Variants in CHAF1B observed in about 807,000 individuals in gnomAD.
The protein encoded by CHAF1B is chromatin assembly factor 1 subunit B.
A neutral mutation model predicts 60.7 loss-of-function variants in CHAF1B; 10 were observed. The ratio of observed to expected loss-of-function variants is 0.16; its 90% confidence interval spans 0.10 to 0.28. The LOEUF (loss-of-function observed/expected upper bound fraction) is 0.28, where lower values mean the gene tolerates loss of function less well. CHAF1B is among the 10% of genes least tolerant of loss of function. The pLI is 1.00. For missense variants in CHAF1B, 558 were observed against 708.4 expected, an observed-to-expected ratio of 0.79 and a Z score of 2.41; for synonymous variants, 261 against 266.1, an observed-to-expected ratio of 0.98 and a Z score of 0.19.
At chr21:36,399,195 C>T (rs554955532) in intron 6 of CHAF1B, among the ~76,000 whole-genome samples, 24 of 152,022 alleles carry the variant, frequency 1.6e-4, no homozygotes, top group African/African-American at 3.4e-4. Context: ...CCACCACGCC[C>T]GGCTAATTTT....
intron 9 of CHAF1B, 34 bp downstream of exon 9, chr21:36,408,864 ATTT>A: frequency 6.7e-7 from 1 of 1,496,234 alleles, no homozygotes; most frequent in South Asian, 1.1e-5. Context: ...AAATGTTTAC[ATTT>A]TTTTTAGACG....
At chr21:36,404,770 G>A (rs1482119630) in intron 8 of CHAF1B, among the ~76,000 whole-genome samples, 3 of 95,260 alleles carry the variant, frequency 3.1e-5, no homozygotes, top group Non-Finnish European at 5.8e-5. Flanking sequence ...AAAAAGCAGA[G>A]TCTCGCTCTG....
chr21:36,393,367 A>G (rs898857935), intron 4 of CHAF1B, among the ~76,000 whole-genome samples: 1 of 152,102 alleles, frequency 6.6e-6, no homozygotes, highest in African/African-American at 2.4e-5. Flanking sequence ...GGATGAAAGC[A>G]TAATTAAAAT....
chr21:36,397,269 G>A lies in CHAF1B; in HGVS notation c.482-146G>A, dbSNP rs1298877173. On this transcript the variant is annotated intron_variant, in intron 5 of 13. Transcript: ENST00000314103. ...CTTTGTGACCCCAGAGCCTGACACA[G>A]GGTTTTAGTACAGAGTCTCTCACTT... 1.7e-5 allele frequency: 7 copies of A among 405,704 alleles called. No homozygotes were observed. The Admixed American group carries it at 2.2e-4, about 13-fold the overall frequency. 25.1% of individuals were successfully genotyped at this position (405,704 alleles called of 1,614,324 possible).
At chr21:36,411,669 C>G (rs963843575) in intron 11 of CHAF1B, 65 bp downstream of exon 11, 2 of 1,574,410 alleles carry the variant, frequency 1.3e-6, no homozygotes, top group Non-Finnish European at 1.7e-6. Context: ...GAAGACACCC[C>G]GGGGTTAGGG....
rs1234208280 is a variant in CHAF1B, at chr21:36,417,052, G to A, written c.*686G>A. 6.6e-6 allele frequency: 1 copy of A among 152,048 alleles called. No homozygotes were observed. The highest frequency in any genetic ancestry group is 1.5e-5 in the Non-Finnish European group (1 of 68,004). The allele number at this position is 152,048 out of a possible 1,614,324, so 9.4% of individuals were successfully genotyped here. Reference sequence around the variant, plus strand: ...TCTAAATAGGTTAGTTTTTTAGATTGGTTTTTCAAAGCAAAAAAAGTATCT... The same window carrying A: ...TCTAAATAGGTTAGTTTTTTAGATTAGTTTTTCAAAGCAAAAAAAGTATCT... On this transcript the variant is annotated 3_prime_UTR_variant, in exon 14 of 14. Transcript: ENST00000314103.
At chr21:36,391,907 A>ATTTTTTTTTTT (rs55920360) in intron 4 of CHAF1B, among the ~76,000 whole-genome samples, 12 of 67,030 alleles carry the variant, frequency 1.8e-4, no homozygotes, top group Non-Finnish European at 2.5e-4. Flanking sequence ...TGATTTTTAA[A>ATTTTTTTTTTT]TTTTTTTTTT....
intron 3 of CHAF1B, among the ~76,000 whole-genome samples, chr21:36,390,348 A>AAAAAG (rs2086076874): frequency 2.0e-5 from 3 of 151,730 alleles, no homozygotes; most frequent in South Asian, 2.1e-4. Flanking sequence ...AAAAAAAAAA[A>AAAAAG]AAAGAAAGAA....
chr21:36,389,800 T>TGTGTGTGTGTGTGTGCGCGCGC, intron 3 of CHAF1B, among the ~76,000 whole-genome samples: 118 of 124,782 alleles, frequency 9.5e-4, no homozygotes, highest in Admixed American at 2.0e-3. Context: ...TGTGTGTGTG[T>TGTGTGTGTGTGTGTGCGCGCGC]GCGCGCGCAC....
At chr21:36,399,304 G>A (rs928544363) in intron 6 of CHAF1B, among the ~76,000 whole-genome samples, 6 of 152,064 alleles carry the variant, frequency 3.9e-5, no homozygotes, top group East Asian at 1.9e-4. Flanking sequence ...CCAAAGTGTC[G>A]GGATTACAGG....
At chr21:36,403,069 G>A (rs559694283) in intron 8 of CHAF1B, among the ~76,000 whole-genome samples, 2 of 152,128 alleles carry the variant, frequency 1.3e-5, no homozygotes, top group South Asian at 4.1e-4. Context: ...GGGTGGCCTG[G>A]CTTTTGGAAT....
intron 3 of CHAF1B, among the ~76,000 whole-genome samples, chr21:36,391,092 A>G (rs1003743020): frequency 6.6e-6 from 1 of 152,138 alleles, no homozygotes; most frequent in East Asian, 1.9e-4. Flanking sequence ...TCAGCTATTT[A>G]TAGGTTATGC....
chr21:36,385,927 C>G, intron 1 of CHAF1B, 133 bp from the exon 2 acceptor site: 2 of 528,036 alleles, frequency 3.8e-6, no homozygotes, highest in Non-Finnish European at 6.7e-6. Context: ...GTGGAGCTAG[C>G]AAGGTGTTAT....
chr21:36,409,344 CT>C, intron 9 of CHAF1B, 29 bp from the exon 10 acceptor site: 1 of 1,579,052 alleles, frequency 6.3e-7, no homozygotes, highest in South Asian at 1.1e-5. Context: ...GTCACAGTGC[CT>C]TTTCCTAACA....
At chr21:36,392,697 G>C (rs1331063100) in intron 4 of CHAF1B, among the ~76,000 whole-genome samples, 2 of 151,656 alleles carry the variant, frequency 1.3e-5, no homozygotes. Context: ...CAGACGGGGC[G>C]GCCGGGCAGA....
rs780539459 is a variant in CHAF1B, at chr21:36,402,763, A to G, written c.669A>G (p.Arg223=). The G allele has an allele frequency of 5.0e-6, 8 of 1,612,612 alleles. No individual in the cohort carries two copies. In the African/African-American group the frequency reaches 9.3e-5, roughly 19 times the overall value. The part of the protein sequence containing the change: ...LSGIGAEGEA[R]SYRMFHDDSM... ...ATAAATTTTGTGTGCGACAGGCAAG[A>G]AGCTACCGGATGTTTCACGACGACA... The change falls in exon 8 of 14, where the codon AGA becomes AGG. Residue 223 remains arginine (R), a synonymous_variant. Transcript: ENST00000314103.
At chr21:36,407,842 G>A (rs988578193) in intron 8 of CHAF1B, among the ~76,000 whole-genome samples, 4 of 152,036 alleles carry the variant, frequency 2.6e-5, no homozygotes, top group African/African-American at 9.7e-5. Flanking sequence ...GCCGGGCATC[G>A]TGGCAGGTGC....
At chr21:36,393,877 C>T (rs1003808603) in intron 4 of CHAF1B, among the ~76,000 whole-genome samples, 40 of 151,930 alleles carry the variant, frequency 2.6e-4, no homozygotes, top group African/African-American at 8.2e-4. Flanking sequence ...ATAACTTGTC[C>T]GTTTTTGAGT....
At chr21:36,392,460 C>T (rs8129103) in intron 4 of CHAF1B, among the ~76,000 whole-genome samples, 4,705 of 152,248 alleles carry the variant, frequency 0.031, 101 homozygotes, top group Admixed American at 0.047. Context: ...GACGGGGTGG[C>T]GGCCGGGTAG....
Sources: allele counts gnomAD v4.1 joint callset (sites outside exome capture counted in the v4.1 genomes callset), GRCh38; gene constraint gnomAD v4.1.1; transcripts MANE v1.5; gene names NCBI Gene and HGNC (gene_info 2026-07-23, HGNC 2026-07-21).